Variants in DIP2C observed in about 807,000 individuals in gnomAD.
DIP2C encodes the protein DIP2 acetate--CoA ligase C (putative).
DIP2C carries 33 observed loss-of-function variants against 192.4 expected under a neutral mutation model. That is an observed-to-expected ratio of 0.17 (90% CI 0.13 to 0.23). The LOEUF is 0.23. DIP2C is among the 10% of genes least tolerant of loss of function. The pLI is 1.00. For synonymous variants in DIP2C, 979 were observed against 864.1 expected (o/e 1.13, Z -2.33); for missense variants, 1,537 against 2,110.1 (o/e 0.73, Z 5.32).
chr10:582,360 G>A (rs183956780), intron 1 of DIP2C, among the ~76,000 whole-genome samples: 67 of 152,274 alleles, frequency 4.4e-4, no homozygotes, highest in Admixed American at 5.9e-4. Context: ...AAAACCCACC[G>A]TACACTTAAC....
chr10:596,179 C>T (rs951593281), intron 1 of DIP2C, among the ~76,000 whole-genome samples: 3 of 152,090 alleles, frequency 2.0e-5, no homozygotes, highest in South Asian at 4.2e-4. Context: ...ATAAAAGTAA[C>T]CTAAGTATTG....
intron 1 of DIP2C, among the ~76,000 whole-genome samples, chr10:514,402 G>T (rs907377017): frequency 6.6e-6 from 1 of 152,222 alleles, no homozygotes; most frequent in Non-Finnish European, 1.5e-5. Flanking sequence ...TTCACAGGGT[G>T]CTGGCTTCGT....
rs1954401122 is a variant in DIP2C at position 274,209 on chromosome 10, A to AATATATTTAG, written c.*3106_*3115dup. ...GTACACTTGCAGCAAAATGTGAACAAATATATTTAGATATATTTAAAAGAA... is the reference window on the plus strand; with the variant it reads ...GTACACTTGCAGCAAAATGTGAACAAATATATTTAGATATATTTAGATATATTTAAAAGAA... On this transcript the variant is annotated 3_prime_UTR_variant, in exon 37 of 37. Coordinates refer to ENST00000280886, the MANE Select transcript of DIP2C (RefSeq NM_014974.3). The AATATATTTAG allele has an allele frequency of 6.6e-6, 1 of 152,320 alleles. No individual in the cohort carries two copies. The highest frequency in any genetic ancestry group is 2.4e-5 in the African/African-American group (1 of 41,572). The allele number at this position is 152,320 out of a possible 1,614,324, so 9.4% of individuals were successfully genotyped here. A position where few individuals can be genotyped will look rare whatever the true frequency, so the allele number is the denominator to read the frequency against.
chr10:293,576 CAG>C (rs1955595364), intron 32 of DIP2C, among the ~76,000 whole-genome samples: 1 of 152,186 alleles, frequency 6.6e-6, no homozygotes, highest in African/African-American at 2.4e-5. Context: ...AGTTAATTAA[CAG>C]AGATGCTGTG....
chr10:674,789 T>TATAGAGAGAGAGAGAG, intron 1 of DIP2C, among the ~76,000 whole-genome samples: 15 of 62,498 alleles, frequency 2.4e-4, no homozygotes, highest in African/African-American at 3.6e-4. Flanking sequence ...TATATATATA[T>TATAGAGAGAGAGAGAG]AGAGAGAGAG....
At chr10:393,803 A>AG (rs1963702730) in intron 10 of DIP2C, among the ~76,000 whole-genome samples, 1 of 145,448 alleles carries the variant, frequency 6.9e-6, no homozygotes, top group African/African-American at 2.7e-5. Flanking sequence ...AAAAGAAAAA[A>AG]AAAGAAAAAG....
At chr10:526,414 C>G (rs189657485) in intron 1 of DIP2C, among the ~76,000 whole-genome samples, 2 of 151,920 alleles carry the variant, frequency 1.3e-5, no homozygotes, top group African/African-American at 4.8e-5. Flanking sequence ...TAGGTTCATA[C>G]CACTGTAGAG....
chr10:422,435 G>T (rs966624262), intron 5 of DIP2C, among the ~76,000 whole-genome samples: 1 of 152,156 alleles, frequency 6.6e-6, no homozygotes, highest in Middle Eastern at 3.2e-3. Context: ...AACACCTGTG[G>T]CAGACAGCAG....
chr10:448,680 T>C (rs1968559585), intron 3 of DIP2C, among the ~76,000 whole-genome samples: 1 of 132,526 alleles, frequency 7.5e-6, no homozygotes, highest in Admixed American at 7.9e-5. Flanking sequence ...CTGTCGATAT[T>C]CAGGATCACA....
intron 1 of DIP2C, among the ~76,000 whole-genome samples, chr10:584,952 G>A (rs553276465): frequency 1.0e-3 from 93 of 90,724 alleles, no homozygotes; most frequent in Middle Eastern, 0.01. Context: ...TCTCAATCTC[G>A]GGGCCCGCGA....
At chr10:361,832 G>A (rs557946994) in intron 22 of DIP2C, among the ~76,000 whole-genome samples, 4 of 152,324 alleles carry the variant, frequency 2.6e-5, no homozygotes, top group African/African-American at 9.6e-5. Context: ...CATGGCTTGA[G>A]CGGCTCCCAA....
Position 344,867 on chromosome 10 carries a change from T to C in DIP2C, c.3395A>G (p.Asp1132Gly), listed in dbSNP as rs1180894687. The C allele has an allele frequency of 1.2e-6, 2 of 1,607,254 alleles. No homozygotes were observed. The highest frequency in any genetic ancestry group is 1.7e-6 in the Non-Finnish European group (2 of 1,178,032). Residue 1132 changes from aspartate (D) to glycine (G), a missense_variant, in exon 28 of 37, where the codon GAC becomes GGC. Coordinates refer to ENST00000280886, the MANE Select transcript of DIP2C (RefSeq NM_014974.3). ...GCTGAAGTCGAGATATGCAAGAGTGTCTGGGTTGCAAGGTTTGCAGATCTG... is the reference window on the plus strand; with the variant it reads ...GCTGAAGTCGAGATATGCAAGAGTGCCTGGGTTGCAAGGTTTGCAGATCTG... ...PAQICKPCNP[D>G]TLAYLDFSVS...
rs547150055 is a variant in DIP2C, at chr10:533,358, C to T, written c.86-46828G>A. Among the ~76,000 whole-genome samples the T allele has an allele frequency of 2.6e-5, 4 of 152,264 alleles. No homozygotes were observed. The South Asian group carries it at 8.3e-4, about 32-fold the overall frequency. On this transcript the variant is annotated intron_variant, in intron 1 of 36. Coordinates refer to ENST00000280886, the MANE Select transcript of DIP2C (RefSeq NM_014974.3). ...AGCCACCAGATTCCACAGGCAGGTG[C>T]TCAGGGGGACACAGCTTTCTCAAGG...
At chr10:418,966 T>C (rs906833973) in intron 6 of DIP2C, 99 bp downstream of exon 6, 208 of 1,552,514 alleles carry the variant, frequency 1.3e-4, no homozygotes, top group Non-Finnish European at 1.7e-4. Context: ...TCAGAACCGA[T>C]TGTACCCCAG....
intron 1 of DIP2C, among the ~76,000 whole-genome samples, chr10:638,268 A>G (rs1854945156): frequency 6.6e-6 from 1 of 152,274 alleles, no homozygotes; most frequent in South Asian, 2.1e-4. Flanking sequence ...AACAGTAACT[A>G]GCAACCAGGG....
At chr10:295,964 GTTGT>G (rs1159220237) in intron 32 of DIP2C, among the ~76,000 whole-genome samples, 1 of 152,222 alleles carries the variant, frequency 6.6e-6, no homozygotes, top group East Asian at 1.9e-4. Context: ...TTTTGATGGG[GTTGT>G]TTGACTCTTT....
At chr10:655,767 CTATAT>C (rs1270716117) in intron 1 of DIP2C, among the ~76,000 whole-genome samples, 2 of 152,338 alleles carry the variant, frequency 1.3e-5, no homozygotes, top group African/African-American at 4.8e-5. Flanking sequence ...GTATACTATA[CTATAT>C]AATGTTACAC....
intron 1 of DIP2C, among the ~76,000 whole-genome samples, chr10:562,108 C>A (rs879478208): frequency 3.3e-5 from 5 of 152,200 alleles, no homozygotes; most frequent in African/African-American, 4.8e-5. Flanking sequence ...TTTGCTACTC[C>A]AAAGGCTTTT....
chr10:483,075 C>T (rs1354078956), intron 2 of DIP2C, among the ~76,000 whole-genome samples: 4 of 152,208 alleles, frequency 2.6e-5, no homozygotes, highest in African/African-American at 9.7e-5. Context: ...ACTGGAGGCC[C>T]CGACAGACGC....
Sources: allele counts gnomAD v4.1 joint callset (sites outside exome capture counted in the v4.1 genomes callset), GRCh38; gene constraint gnomAD v4.1.1; transcripts MANE v1.5; gene names NCBI Gene and HGNC (gene_info 2026-07-23, HGNC 2026-07-21).